CYP2A6: variants seen among roughly 807,000 people sequenced by gnomAD.
CYP2A6 encodes cytochrome P450 2A6.
Under a neutral mutation model 42.3 loss-of-function variants are expected in CYP2A6, and 27 were observed. That is an observed-to-expected ratio of 0.64 (90% CI 0.47 to 0.88). The LOEUF (loss-of-function observed/expected upper bound fraction) is 0.88, where lower values mean the gene tolerates loss of function less well. Among genes scored for constraint, CYP2A6 ranks in the 40% least tolerant of loss-of-function variants. The pLI is 0.00. For missense variants in CYP2A6, 628 were observed against 646.0 expected (o/e 0.97, Z 0.30); for synonymous variants, 238 against 246.3 (o/e 0.97, Z 0.31).
rs1472104450 is a variant in CYP2A6 at position 40,850,245 on chromosome 19, A to G, written c.180+2T>C. On this transcript the variant is annotated splice_donor_variant, in intron 1 of 8. Coordinates refer to ENST00000301141, the MANE Select transcript of CYP2A6 (RefSeq NM_000762.6). LOFTEE classifies it high-confidence loss of function. ...GCCACCCATCTCCCTGCCTTGGGAC[A>G]CCTTCATGAGGGAGTTGTACATCTG... 9 of 1,606,278 alleles carry G rather than the reference A, an allele frequency of 5.6e-6. No homozygotes were observed. The highest frequency in any genetic ancestry group is 7.7e-6 in the Non-Finnish European group (9 of 1,176,410).
At chr19:40,844,355 T>C (rs2083444987) in intron 8 of CYP2A6, among the ~76,000 whole-genome samples, 1 of 151,360 alleles carries the variant, frequency 6.6e-6, no homozygotes, top group African/African-American at 2.4e-5. Flanking sequence ...CAAATATGAC[T>C]GCTGTGCCGT....
chr19:40,844,892 T>A (rs1599777136), intron 7 of CYP2A6, 120 bp from the exon 8 acceptor site: 1 of 1,332,144 alleles, frequency 7.5e-7, no homozygotes, highest in Non-Finnish European at 1.0e-6. Flanking sequence ...CATGGAGGAG[T>A]TGGGGTCCTC....
intron 7 of CYP2A6, 193 bp downstream of exon 7, chr19:40,845,101 A>G (rs999343502): frequency 1.5e-6 from 1 of 688,378 alleles, no homozygotes; most frequent in Admixed American, 2.9e-5. Flanking sequence ...CCTGACACAA[A>G]GAGTCTGGAG....
In CYP2A6 at chr19:40,849,217, ATGGAGGAAGAG is replaced by A. The variant is rs1599780509; in HGVS notation, c.344-465_344-455del. On this transcript the variant is annotated intron_variant, in intron 2 of 8. Coordinates refer to ENST00000301141, the MANE Select transcript of CYP2A6 (RefSeq NM_000762.6). The stretch of plus-strand genomic sequence containing the variant: ...AGGAAGTGGGGAGAGAAAGAGAGTG[ATGGAGGAAGAG>A]GATGGAGGGAGGGGAAGTGAGATAT... Among the ~76,000 whole-genome samples the A allele has an allele frequency of 2.6e-5, 4 of 151,064 alleles. 1 individual carries two copies. The East Asian group carries it at 8.2e-4, about 31-fold the overall frequency.
intron 2 of CYP2A6, among the ~76,000 whole-genome samples, 196 bp from the exon 3 acceptor site, chr19:40,848,959 AG>A (rs1751448336): frequency 7.5e-6 from 1 of 133,724 alleles, no homozygotes; most frequent in Admixed American, 7.4e-5. Flanking sequence ...AGAGAGAGAG[AG>A]AGAGAGAGAG....
chr19:40,850,162 C>T, intron 1 of CYP2A6, 85 bp downstream of exon 1: 1 of 1,558,080 alleles, frequency 6.4e-7, no homozygotes, highest in Non-Finnish European at 8.7e-7. Context: ...AGACTCTGGT[C>T]CACACTGGTC....
At chr19:40,845,272 G>A (rs781286490) in intron 7 of CYP2A6, 22 bp downstream of exon 7, 18 of 1,610,714 alleles carry the variant, frequency 1.1e-5, no homozygotes, top group South Asian at 3.3e-5. Context: ...CCCGTAGTCT[G>A]GGGGGTGGGG....
Position 40,850,293 on chromosome 19 carries a change from T to C in CYP2A6, c.134A>G (p.Asn45Ser), listed in dbSNP as rs1967197704. The C allele has an allele frequency of 1.2e-6, 2 of 1,609,884 alleles. No individual in the cohort carries two copies. The highest frequency in any genetic ancestry group is 1.7e-6 in the Non-Finnish European group (2 of 1,178,790). ...PGPTPLPFIG[N>S]YLQLNTEQMY... ...CTGCTCTGTGTTCAGCTGCAGGTAG[T>C]TTCCAATGAAGGGCAATGGGGTGGG... The change falls in exon 1 of 9, where the codon AAC becomes AGC. Residue 45 changes from asparagine (N) to serine (S), a missense_variant. Around this residue, in one of 2 missense-constraint regions of CYP2A6, gnomAD observed 606 missense variants for 568.1 expected, o/e 1.07. Coordinates refer to ENST00000301141, the MANE Select transcript of CYP2A6 (RefSeq NM_000762.6).
chr19:40,846,329 A>C (rs1406667638), intron 5 of CYP2A6, among the ~76,000 whole-genome samples: 37 of 149,460 alleles, frequency 2.5e-4, no homozygotes, highest in Admixed American at 1.4e-3. Context: ...TTCAATTATC[A>C]ACTTAGCTGT....
chr19:40,844,744 G>T lies in CYP2A6; in HGVS notation c.1190C>A (p.Ser397Tyr). 1 of 1,611,658 alleles carries T rather than the reference G, an allele frequency of 6.2e-7. No individual in the cohort carries two copies. The highest frequency in any genetic ancestry group is 8.5e-7 in the Non-Finnish European group (1 of 1,179,818). The change falls in exon 8 of 9, where the codon TCT (serine) becomes TAT (tyrosine). Residue 397 changes from serine to tyrosine, a missense_variant. Ser to Tyr is a moderately radical substitution (Grantham distance 144, BLOSUM62 -2). Coordinates refer to ENST00000301141, the MANE Select transcript of CYP2A6 (RefSeq NM_000762.6). ...KGTEVYPMLGSVLRDPSFFSN... is the reference protein window; with the variant it reads ...KGTEVYPMLGYVLRDPSFFSN... ...GAAGAAACTGGGGTCTCTCAGCACA[G>T]AGCCCAGCATAGGGTACACTTCGGT...
At position 40,848,686 on chromosome 19, in the gene CYP2A6, C is replaced by T; in HGVS notation, c.421G>A (p.Gly141Ser). The T allele has an allele frequency of 6.2e-7, 1 of 1,611,964 alleles. No individual in the cohort carries two copies. Among genetic ancestry groups the T allele is most frequent in the Non-Finnish European group, 8.5e-7 (1 of 1,179,906 alleles). Residue 141 changes from glycine to serine, a missense_variant, in exon 3 of 9, where the codon GGC becomes AGC. Around this residue, in one of 2 missense-constraint regions of CYP2A6, gnomAD observed 606 missense variants for 568.1 expected, o/e 1.07. Coordinates refer to ENST00000301141, the MANE Select transcript of CYP2A6 (RefSeq NM_000762.6). ...ATGCGCTCCTCGATGCCTCGCTTGC[C>T]CACCCCGAAGTCCCGCAGGGTGGCG... Reference protein sequence around the residue: ...SIATLRDFGVGKRGIEERIQE... With the variant: ...SIATLRDFGVSKRGIEERIQE...
At chr19:40,845,176 T>G (rs2083449485) in intron 7 of CYP2A6, 118 bp downstream of exon 7, 1 of 1,356,374 alleles carries the variant, frequency 7.4e-7, no homozygotes, top group Non-Finnish European at 1.0e-6. Flanking sequence ...GGGAAGTCTT[T>G]TTTGACTGAT....
intron 4 of CYP2A6, among the ~76,000 whole-genome samples, 175 bp downstream of exon 4, chr19:40,848,044 G>T (rs1185945212): frequency 6.6e-6 from 1 of 150,916 alleles, no homozygotes; most frequent in Non-Finnish European, 1.5e-5. Flanking sequence ...TGGAGACAGG[G>T]TATTGGACAT....
At position 40,850,385 on chromosome 19, in the gene CYP2A6, G is replaced by A. The variant is rs151097223; in HGVS notation, c.42C>T (p.Cys14=). Residue 14 remains cysteine, a synonymous_variant, in exon 1 of 9, where the codon TGC becomes TGT. Coordinates refer to ENST00000301141, the MANE Select transcript of CYP2A6 (RefSeq NM_000762.6). ...SGMLLVALLV[C]LTVMVLMSVW... is the part of the protein sequence containing the mutation. ...CAGACATCAAGACCATTACAGTCAG[G>A]CAGACCAGCAAGGCCACCAGAAGCA... 274 of 1,610,244 alleles carry A rather than the reference G, an allele frequency of 1.7e-4. 6 individuals are homozygous for A. Among genetic ancestry groups the A allele is most frequent in the Middle Eastern group, 9.9e-4 (6 of 6,050 alleles).
intron 8 of CYP2A6, among the ~76,000 whole-genome samples, chr19:40,844,331 G>C (rs914771955): frequency 1.3e-5 from 2 of 150,720 alleles, no homozygotes; most frequent in Non-Finnish European, 2.9e-5. Context: ...GTCCTTTCCT[G>C]CCAGGTACAC....
chr19:40,849,708 T>A lies in CYP2A6; in HGVS notation c.343+110A>T, dbSNP rs189326843. 1.4e-4 allele frequency: 224 copies of A among 1,554,724 alleles called. 3 individuals are homozygous for A. Among genetic ancestry groups the A allele is most frequent in the South Asian group, 2.2e-4 (18 of 81,204 alleles). ...GGGAGATGGGGAGGGAAGACCAGAC[T>A]GGGGACTCTGCCTTAGCCTCCAGTT... On this transcript the variant is annotated intron_variant, in intron 2 of 8. Transcript: ENST00000301141.
rs374784083 is a variant in CYP2A6 at position 40,846,953 on chromosome 19, C to A, written c.753G>T (p.Lys251Asn). ...CCAGCGTGCGCTGGTTGTGCTCCAC[C>A]TTCTTGGCTATGAAGTCCTCCAGCC... Reference protein sequence around the residue: ...LQGLEDFIAKKVEHNQRTLDP... With the variant: ...LQGLEDFIAKNVEHNQRTLDP... The change falls in exon 5 of 9, where the codon AAG becomes AAT. Residue 251 changes from lysine to asparagine, a missense_variant. Coordinates refer to ENST00000301141, the MANE Select transcript of CYP2A6 (RefSeq NM_000762.6). The A allele has an allele frequency of 5.0e-5, 80 of 1,612,120 alleles. No homozygotes were observed. The Middle Eastern group carries it at 3.6e-3, about 73-fold the overall frequency.
intron 7 of CYP2A6, chr19:40,845,015 C>G (rs2083448585): frequency 1.5e-6 from 1 of 656,164 alleles, no homozygotes; most frequent in Non-Finnish European, 2.5e-6. Context: ...GATTTCTGTC[C>G]CTATGACAAA....
rs8192721 is a variant in CYP2A6, at chr19:40,850,283, C to T, written c.144G>A (p.Gln48=). 0.076 allele frequency: 122,880 copies of T among 1,609,826 alleles called. 8,108 individuals are homozygous for T. The highest frequency in any genetic ancestry group is 0.08 in the African/African-American group (5,985 of 74,604). The change falls in exon 1 of 9, where the codon CAG becomes CAA. Residue 48 remains glutamine (Q), a synonymous_variant. Transcript: ENST00000301141. ...TPLPFIGNYL[Q]LNTEQMYNSL... ...AGTTGTACATCTGCTCTGTGTTCAG[C>T]TGCAGGTAGTTTCCAATGAAGGGCA...
Sources: allele counts gnomAD v4.1 joint callset (sites outside exome capture counted in the v4.1 genomes callset), GRCh38; gene constraint gnomAD v4.1.1; regional missense constraint gnomAD v4.1.1; transcripts MANE v1.5; gene names NCBI Gene and HGNC (gene_info 2026-07-23, HGNC 2026-07-21).